Variants in ITPR1 observed in about 807,000 individuals in gnomAD.
ITPR1 encodes the protein inositol 1,4,5-trisphosphate-gated calcium channel ITPR1.
A neutral mutation model predicts 318.4 loss-of-function variants in ITPR1; 96 were observed. The ratio of observed to expected loss-of-function variants is 0.30; its 90% CI spans 0.26 to 0.36. The LOEUF (loss-of-function observed/expected upper bound fraction) is 0.36. ITPR1 is among the 10% of genes least tolerant of loss of function. The pLI, the probability that ITPR1 is intolerant of heterozygous loss-of-function variation, is 1.00. For synonymous variants in ITPR1, 1,312 were observed against 1,289.9 expected, an observed-to-expected ratio of 1.02 and a Z score of -0.37; for missense variants, 2,440 against 3,460.2, an observed-to-expected ratio of 0.71 and a Z score of 7.40.
At chr3:4,669,836 G>A in intron 19 of ITPR1, 63 bp downstream of exon 19, 5 of 1,457,328 alleles carry the variant, frequency 3.4e-6, no homozygotes, top group Non-Finnish European at 4.6e-6. Flanking sequence ...GTGCTCATGA[G>A]GAATAAAACC....
intron 17 of ITPR1, among the ~76,000 whole-genome samples, chr3:4,665,887 T>A (rs2093936287): frequency 6.6e-6 from 1 of 152,156 alleles, no homozygotes. Context: ...TATTGCTACA[T>A]CATTGGTTCT....
At chr3:4,784,146 C>A (rs73003089) in intron 51 of ITPR1, among the ~76,000 whole-genome samples, 2 of 151,982 alleles carry the variant, frequency 1.3e-5, no homozygotes, top group Admixed American at 1.3e-4. Context: ...TCATTCCTCA[C>A]GAATTCACGA....
At chr3:4,671,807 G>T (rs563920700) in intron 20 of ITPR1, 103 of 152,292 alleles carry the variant, frequency 6.8e-4, no homozygotes, top group African/African-American at 2.3e-3. Flanking sequence ...CCTGTATTCT[G>T]TTCTTTCATT....
At position 4,710,501 on chromosome 3, in the gene ITPR1, C is replaced by T. The variant is rs779226728; in HGVS notation, c.4991+28C>T. The stretch of plus-strand genomic sequence containing the variant: ...AAGCGGCCTCTCTCTCTGGGGTGTT[C>T]ATTTGCCAGAACCTTGATGACCTCA... On this transcript the variant is annotated intron_variant, in intron 38 of 61. Coordinates refer to ENST00000649015, the MANE Select transcript of ITPR1 (RefSeq NM_001378452.1). This position sits in a 1 kb window ranked among gnomAD's most constrained non-coding sequence, Gnocchi z 4.2. 41 of 1,546,522 alleles carry T rather than the reference C, an allele frequency of 2.7e-5. No individual in the cohort carries two copies. The highest frequency in any genetic ancestry group is 3.2e-5 in the Non-Finnish European group (37 of 1,143,348).
intron 4 of ITPR1, among the ~76,000 whole-genome samples, chr3:4,610,974 C>CTTCCCCCTTCCCCCCCTTCTCCTT (rs1553644259): frequency 2.6e-4 from 22 of 83,292 alleles, no homozygotes; most frequent in African/African-American, 1.2e-3. Flanking sequence ...CCCCCTTCCC[C>CTTCCCCCTTCCCCCCCTTCTCCTT]CTCCTTCTCC....
intron 6 of ITPR1, among the ~76,000 whole-genome samples, chr3:4,641,573 C>T (rs568558190): frequency 4.0e-4 from 61 of 152,132 alleles, no homozygotes; most frequent in Non-Finnish European, 7.9e-4. Flanking sequence ...ACAAGATCTC[C>T]CTGTGTCGCC....
At chr3:4,783,716 G>C (rs969073984) in intron 50 of ITPR1, 100 bp from the exon 51 acceptor site, 2 of 978,074 alleles carry the variant, frequency 2.0e-6, no homozygotes, top group African/African-American at 3.2e-5. Flanking sequence ...GCTTGCTGCT[G>C]GTTATTATGC....
chr3:4,629,124 T>A (rs1358045651), intron 5 of ITPR1, among the ~76,000 whole-genome samples: 1 of 152,274 alleles, frequency 6.6e-6, no homozygotes, highest in Non-Finnish European at 1.5e-5. Context: ...ATCTACAAGA[T>A]GGTCCATGCC....
chr3:4,788,223 C>T (rs2047328709), intron 52 of ITPR1, 84 bp downstream of exon 52: 1 of 1,039,308 alleles, frequency 9.6e-7, no homozygotes, highest in African/African-American at 1.6e-5. Context: ...CGTTCATTTC[C>T]AAGCAGGAGC....
chr3:4,717,315 A>G, intron 39 of ITPR1, 52 bp from the exon 40 acceptor site: 4 of 1,359,724 alleles, frequency 2.9e-6, no homozygotes, highest in Non-Finnish European at 4.2e-6. Context: ...GCTGGCTTGT[A>G]TTTCCTTTCC....
intron 4 of ITPR1, among the ~76,000 whole-genome samples, chr3:4,533,968 G>A (rs1246899298): frequency 6.6e-6 from 1 of 152,128 alleles, no homozygotes; most frequent in Non-Finnish European, 1.5e-5. Flanking sequence ...TTGCCAATCT[G>A]CTCTTTCCCA....
intron 4 of ITPR1, among the ~76,000 whole-genome samples, chr3:4,558,360 A>G (rs1478809917): frequency 6.6e-6 from 1 of 152,236 alleles, no homozygotes; most frequent in African/African-American, 2.4e-5. Flanking sequence ...TGAGATGCAT[A>G]GAAAAATATT....
rs757942676 is a variant in ITPR1 at position 4,846,123 on chromosome 3, C to CTT, written c.8191-12_8191-11dup. The CTT allele has an allele frequency of 6.6e-7, 1 of 1,514,538 alleles. No individual in the cohort carries two copies. The highest frequency in any genetic ancestry group is 9.0e-7 in the Non-Finnish European group (1 of 1,116,944). 93.8% of individuals were successfully genotyped at this position (1,514,538 alleles called of 1,614,324 possible). On this transcript the variant is annotated splice_polypyrimidine_tract_variant and intron_variant, in intron 61 of 61. Transcript: ENST00000649015. ...GAAGTATCTGGGTCTAATGATGAAA[C>CTT]TTTTTAACTTTCCAGATGACAGAAC...
chr3:4,575,648 A>T (rs1370889204), intron 4 of ITPR1, among the ~76,000 whole-genome samples: 1 of 151,554 alleles, frequency 6.6e-6, no homozygotes, highest in African/African-American at 2.4e-5. Flanking sequence ...GTGTTGGAGG[A>T]GGGTAGGGTG....
intron 4 of ITPR1, among the ~76,000 whole-genome samples, chr3:4,575,473 C>T (rs1184245764): frequency 6.6e-6 from 1 of 152,084 alleles, no homozygotes; most frequent in Non-Finnish European, 1.5e-5. Context: ...TATCATCACC[C>T]TCAGGGAGTT....
At chr3:4,680,724 A>G (rs371430493) in intron 25 of ITPR1, 33 bp downstream of exon 25, 1 of 1,580,968 alleles carries the variant, frequency 6.3e-7, no homozygotes, top group African/African-American at 1.3e-5. Context: ...TCAGCCATAG[A>G]ATGGGACCTG....
Position 4,509,883 on chromosome 3 carries a change from T to G in ITPR1, c.-16-6593T>G, listed in dbSNP as rs181882019. Among the ~76,000 whole-genome samples the G allele has an allele frequency of 4.5e-4, 68 of 152,354 alleles. 1 individual carries two copies. Among genetic ancestry groups the G allele is most frequent in the Admixed American group, 4.4e-3 (68 of 15,302 alleles). On this transcript the variant is annotated intron_variant, in intron 2 of 61. Coordinates refer to ENST00000649015, the MANE Select transcript of ITPR1 (RefSeq NM_001378452.1). The stretch of plus-strand genomic sequence containing the variant: ...TGAACCCATATTTGACTGCTTGCTC[T>G]ATCCCAGGTACTACCAGGTACTAGG...
At chr3:4,720,586 G>C (rs2042078648) in intron 40 of ITPR1, among the ~76,000 whole-genome samples, 1 of 152,264 alleles carries the variant, frequency 6.6e-6, no homozygotes, top group African/African-American at 2.4e-5. Context: ...TTTGAGATGT[G>C]ATTCCCACTG....
chr3:4,730,805 TTGAC>T (rs1478558797), intron 42 of ITPR1, among the ~76,000 whole-genome samples: 1 of 152,218 alleles, frequency 6.6e-6, no homozygotes, highest in Non-Finnish European at 1.5e-5. Context: ...TGTGTGTTTG[TTGAC>T]TGGTCACAAC....
Sources: allele counts gnomAD v4.1 joint callset (sites outside exome capture counted in the v4.1 genomes callset), GRCh38; gene constraint gnomAD v4.1.1; non-coding constraint Gnocchi (gnomAD v3.1); transcripts MANE v1.5; gene names NCBI Gene and HGNC (gene_info 2026-07-23, HGNC 2026-07-21).